RNFT2: variants seen among roughly 807,000 people sequenced by gnomAD.
RNFT2 encodes ring finger protein, transmembrane 2.
A neutral mutation model predicts 53.0 loss-of-function variants in RNFT2; 36 were observed. That is an observed-to-expected ratio of 0.68 (90% CI 0.52 to 0.90). The LOEUF is 0.90. Among genes scored for constraint, RNFT2 ranks in the 40% least tolerant of loss-of-function variants. The pLI, the probability that RNFT2 is intolerant of heterozygous loss-of-function variation, is 0.00. For synonymous variants in RNFT2, 260 were observed against 253.2 expected (o/e 1.03, Z -0.26); for missense variants, 514 against 585.6 (o/e 0.88, Z 1.26).
rs1016195907 is a variant in RNFT2 at position 116,749,284 on chromosome 12, C to T, written c.84-557C>T. ...TGTCCTAATCTCTTCCTCTTTCCCC[C>T]CCCACCACCCCTTTTGAGACAGGCT... On this transcript the variant is annotated intron_variant, in intron 3 of 10. Transcript: ENST00000257575. Among the ~76,000 whole-genome samples, 24 of 41,518 alleles carry T rather than the reference C, an allele frequency of 5.8e-4. 1 individual carries two copies. In the South Asian group the frequency reaches 7.8e-3, roughly 14 times the overall value. 27.2% of individuals were successfully genotyped at this position (41,518 alleles called of 152,430 possible). A position where few individuals can be genotyped will look rare whatever the true frequency, so the allele number is the denominator to read the frequency against.
intron 10 of RNFT2, among the ~76,000 whole-genome samples, chr12:116,844,745 G>GA (rs1231834876): frequency 6.6e-6 from 1 of 152,162 alleles, no homozygotes; most frequent in Non-Finnish European, 1.5e-5. Context: ...ATGAATGAGT[G>GA]AAAAAACTGC....
chr12:116,842,724 C>T (rs1019111856), intron 10 of RNFT2, among the ~76,000 whole-genome samples: 5 of 152,134 alleles, frequency 3.3e-5, no homozygotes, highest in African/African-American at 1.2e-4. Context: ...CAGGCACCCA[C>T]CACCATGCCC....
chr12:116,787,920 TG>T (rs1874012113), intron 7 of RNFT2, among the ~76,000 whole-genome samples: 2 of 152,028 alleles, frequency 1.3e-5, no homozygotes, highest in South Asian at 4.2e-4. Context: ...CTACCTCTTT[TG>T]CTTCTTTTTT....
In RNFT2 at chr12:116,797,671, G is replaced by C. The variant is rs1471205986; in HGVS notation, c.882+18323G>C. ...GAATTCAAGGGTGAGCCAGTGGTAG[G>C]GTAGAAGAAGGTAGCTTTATTGAAG... is the stretch of plus-strand genomic sequence containing the variant. On this transcript the variant is annotated intron_variant, in intron 7 of 10. Transcript: ENST00000257575. Among the ~76,000 whole-genome samples the C allele has an allele frequency of 2.6e-5, 4 of 152,308 alleles. No homozygotes were observed. In the East Asian group the frequency reaches 7.7e-4, roughly 29 times the overall value.
chr12:116,837,486 A>T (rs1701977133), intron 10 of RNFT2, among the ~76,000 whole-genome samples: 1 of 152,090 alleles, frequency 6.6e-6, no homozygotes, highest in South Asian at 2.1e-4. Context: ...GGGTAGGGGG[A>T]TAGAAGGTGG....
intron 3 of RNFT2, among the ~76,000 whole-genome samples, chr12:116,742,265 CTTTTTTTTTTT>C (rs769733957): frequency 8.9e-6 from 1 of 112,220 alleles, no homozygotes; most frequent in East Asian, 2.6e-4. Flanking sequence ...GAGGTGGTTT[CTTTTTTTTTTT>C]TTTTTTTTTG....
intron 7 of RNFT2, among the ~76,000 whole-genome samples, chr12:116,831,507 C>G (rs1183981379): frequency 6.6e-6 from 1 of 151,692 alleles, no homozygotes; most frequent in African/African-American, 2.4e-5. Flanking sequence ...ATAATCAGAC[C>G]CTCTTTTTTG....
chr12:116,752,533 G>A (rs1042615737), intron 4 of RNFT2, among the ~76,000 whole-genome samples: 3 of 152,266 alleles, frequency 2.0e-5, no homozygotes, highest in Non-Finnish European at 4.4e-5. Context: ...AAGAAATACA[G>A]CTTCTACAAA....
At position 116,849,798 on chromosome 12, in the gene RNFT2, TTCTC is replaced by T. The variant is rs530464125; in HGVS notation, c.*360_*363del. The T allele has an allele frequency of 2.2e-5, 20 of 925,908 alleles. No individual in the cohort carries two copies. Among genetic ancestry groups the T allele is most frequent in the Non-Finnish European group, 2.4e-5 (18 of 759,510 alleles). 57.4% of individuals were successfully genotyped at this position (925,908 alleles called of 1,614,324 possible). On this transcript the variant is annotated 3_prime_UTR_variant, in exon 11 of 11. Transcript: ENST00000257575. ...CTCTTTCTTTTTTCTTTTCTTTTCT[TTCTC>T]TCTCTCTCTGTTTCCCTCCCTCCCT...
At position 116,776,611 on chromosome 12, in the gene RNFT2, C is replaced by A. The variant is rs567891669; in HGVS notation, c.729-2584C>A. Among the ~76,000 whole-genome samples the A allele has an allele frequency of 7.2e-5, 11 of 152,336 alleles. No homozygotes were observed. In the East Asian group the frequency reaches 1.7e-3, roughly 24 times the overall value. The stretch of plus-strand genomic sequence containing the variant: ...TTTGCCCTACTCAAAATAACCCAGA[C>A]CAATCCGTTCTTAGGATGCTAGAAT... On this transcript the variant is annotated intron_variant, in intron 6 of 10. Coordinates refer to ENST00000257575, the MANE Select transcript of RNFT2 (RefSeq NM_001382266.1).
intron 6 of RNFT2, among the ~76,000 whole-genome samples, chr12:116,768,696 C>A (rs1873027754): frequency 6.6e-6 from 1 of 151,408 alleles, no homozygotes; most frequent in African/African-American, 2.4e-5. Context: ...TATATTTTTA[C>A]TATACTTTTC....
intron 10 of RNFT2, among the ~76,000 whole-genome samples, chr12:116,838,095 A>T (rs770394996): frequency 6.6e-6 from 1 of 152,120 alleles, no homozygotes; most frequent in Non-Finnish European, 1.5e-5. Context: ...TTAAAACTCT[A>T]TCTTAGAGAT....
intron 5 of RNFT2, among the ~76,000 whole-genome samples, chr12:116,754,710 G>A (rs897415223): frequency 6.6e-6 from 1 of 152,144 alleles, no homozygotes; most frequent in Non-Finnish European, 1.5e-5. Context: ...TCACATTGTG[G>A]TTTTGATTTG....
chr12:116,834,813 C>A (rs1025087272), intron 8 of RNFT2, among the ~76,000 whole-genome samples: 3 of 150,022 alleles, frequency 2.0e-5, no homozygotes, highest in African/African-American at 7.4e-5. Context: ...CAATAGTCAT[C>A]TTCACAAACC....
chr12:116,761,971 G>A (rs1165692064), intron 5 of RNFT2, among the ~76,000 whole-genome samples: 2 of 150,958 alleles, frequency 1.3e-5, no homozygotes, highest in East Asian at 3.9e-4. Flanking sequence ...GAAGGCTGAG[G>A]CATGAGAATC....
chr12:116,743,172 C>T (rs1406777352), intron 3 of RNFT2, among the ~76,000 whole-genome samples: 46 of 123,738 alleles, frequency 3.7e-4, no homozygotes, highest in Non-Finnish European at 5.9e-4. Context: ...TAACTTTGGC[C>T]GTTAGTTTGG....
chr12:116,796,696 A>T (rs994628305), intron 7 of RNFT2, among the ~76,000 whole-genome samples: 10 of 152,162 alleles, frequency 6.6e-5, no homozygotes, highest in African/African-American at 2.4e-4. Flanking sequence ...TCGCTCCTGG[A>T]GGTCATACCT....
intron 3 of RNFT2, among the ~76,000 whole-genome samples, chr12:116,743,064 G>C (rs1314280801): frequency 1.0e-5 from 1 of 100,322 alleles, no homozygotes; most frequent in Non-Finnish European, 1.8e-5. Flanking sequence ...CTGGGCAACA[G>C]AGTGAGACCC....
intron 6 of RNFT2, among the ~76,000 whole-genome samples, chr12:116,778,042 C>T (rs892770218): frequency 6.6e-6 from 1 of 152,162 alleles, no homozygotes; most frequent in African/African-American, 2.4e-5. Flanking sequence ...ACATCAGCTT[C>T]CCCCGCTCCT....
Sources: gnomAD v4.1 joint callset for allele counts (sites outside exome capture counted in the v4.1 genomes callset) on GRCh38, gnomAD v4.1.1 for gene constraint, MANE v1.5 for transcripts, NCBI Gene and HGNC (gene_info 2026-07-23, HGNC 2026-07-21) for gene names.